FHIT: variants seen among roughly 807,000 people sequenced by gnomAD.
The protein encoded by FHIT is bis(5'-adenosyl)-triphosphatase.
FHIT carries 19 observed loss-of-function variants against 17.9 expected under a neutral mutation model. The observed-to-expected ratio is 1.06, with a 90% CI of 0.74 to 1.56. The LOEUF is 1.56. FHIT is among the 40% of genes most tolerant of loss of function. The pLI is 0.00. For synonymous variants in FHIT, 81 were observed against 69.7 expected (o/e 1.16, Z -0.81); for missense variants, 248 against 189.2 (o/e 1.31, Z -1.82).
chr3:60,191,989 G>C (rs1250393867), intron 5 of FHIT, among the ~76,000 whole-genome samples: 1 of 152,092 alleles, frequency 6.6e-6, no homozygotes, highest in Non-Finnish European at 1.5e-5. Flanking sequence ...GCTCACACCT[G>C]TAATCCCAGC....
chr3:60,284,992 A>C (rs911899734), intron 5 of FHIT, among the ~76,000 whole-genome samples: 4 of 152,130 alleles, frequency 2.6e-5, no homozygotes, highest in African/African-American at 9.7e-5. Flanking sequence ...GTACGAAAGA[A>C]CCACTGAAGT....
chr3:59,753,286 A>G (rs1399376810), intron 8 of FHIT, among the ~76,000 whole-genome samples: 1 of 152,226 alleles, frequency 6.6e-6, no homozygotes, highest in East Asian at 1.9e-4. Flanking sequence ...TTAAATGAGA[A>G]AACAACTTAC....
At chr3:61,228,166 T>TA (rs1203976046) in intron 1 of FHIT, among the ~76,000 whole-genome samples, 1 of 147,486 alleles carries the variant, frequency 6.8e-6, no homozygotes, top group African/African-American at 2.7e-5. Context: ...AAGGCACTTA[T>TA]AAAAAAATAA....
intron 3 of FHIT, among the ~76,000 whole-genome samples, chr3:60,916,686 A>G (rs1389455895): frequency 1.3e-5 from 2 of 152,148 alleles, no homozygotes; most frequent in African/African-American, 4.8e-5. Flanking sequence ...TGCATATTTC[A>G]TGGCTGAATA....
intron 3 of FHIT, among the ~76,000 whole-genome samples, chr3:60,838,485 AAAAC>A (rs200216713): frequency 0.011 from 1,624 of 152,228 alleles, 18 homozygotes; most frequent in Non-Finnish European, 0.016. Flanking sequence ...AACAAAAACA[AAAAC>A]AAACAAACAA....
chr3:60,418,996 G>A, intron 5 of FHIT, among the ~76,000 whole-genome samples: 1 of 152,104 alleles, frequency 6.6e-6, no homozygotes, highest in East Asian at 1.9e-4. Flanking sequence ...TAGCCCGAAT[G>A]GGAAGTACCT....
At chr3:60,852,816 C>T (rs1352667236) in intron 3 of FHIT, among the ~76,000 whole-genome samples, 5 of 151,862 alleles carry the variant, frequency 3.3e-5, no homozygotes, top group African/African-American at 1.2e-4. Context: ...CAAGCCTAAG[C>T]AGCATAGTGA....
At chr3:60,954,210 T>G (rs1305552336) in intron 3 of FHIT, among the ~76,000 whole-genome samples, 2 of 152,206 alleles carry the variant, frequency 1.3e-5, no homozygotes, top group Non-Finnish European at 2.9e-5. Context: ...CATTCTGACC[T>G]ATACATAATT....
chr3:61,198,854 G>A (rs540650230), intron 2 of FHIT, among the ~76,000 whole-genome samples: 1 of 151,848 alleles, frequency 6.6e-6, no homozygotes, highest in Non-Finnish European at 1.5e-5. Context: ...AATGTATAAT[G>A]AATAAATTCA....
At position 60,493,449 on chromosome 3, in the gene FHIT, A is replaced by G. The variant is rs73833931; in HGVS notation, c.103+43411T>C. The stretch of plus-strand genomic sequence containing the variant: ...TTACACTGTGAGGTTAAAGAAATGA[A>G]CCTGTGAAGAGAACCTGTCAAATCA... On this transcript the variant is annotated intron_variant, in intron 5 of 9. Transcript: ENST00000492590. Among the ~76,000 whole-genome samples the G allele has an allele frequency of 5.2e-3, 789 of 152,322 alleles. 12 individuals are homozygous for G. Among genetic ancestry groups the G allele is most frequent in the Middle Eastern group, 0.017 (5 of 294 alleles).
chr3:60,148,750 G>C (rs1700341858), intron 5 of FHIT, among the ~76,000 whole-genome samples: 1 of 151,966 alleles, frequency 6.6e-6, no homozygotes, highest in African/African-American at 2.4e-5. Flanking sequence ...TTAAAGCCTG[G>C]GTTTACATCC....
At position 61,233,390 on chromosome 3, in the gene FHIT, A is replaced by G. The variant is rs148231657; in HGVS notation, c.-213+17911T>C. On this transcript the variant is annotated intron_variant, in intron 1 of 9. Coordinates refer to ENST00000492590, the MANE Select transcript of FHIT (RefSeq NM_002012.4). The stretch of plus-strand genomic sequence containing the variant: ...GTAACATGCAACTGTCAAAAACTAC[A>G]CTGTAAAACATATACCGTAGAATAC... Among the ~76,000 whole-genome samples the G allele has an allele frequency of 4.6e-5, 7 of 152,350 alleles. No homozygotes were observed. The East Asian group carries it at 1.2e-3, about 25-fold the overall frequency.
intron 8 of FHIT, among the ~76,000 whole-genome samples, chr3:59,872,353 G>T (rs865999503): frequency 5.3e-5 from 8 of 152,208 alleles, no homozygotes; most frequent in Admixed American, 1.3e-4. Flanking sequence ...GGAGGGCGAT[G>T]AGGCTGATGT....
At chr3:59,846,141 T>C (rs187251034) in intron 8 of FHIT, among the ~76,000 whole-genome samples, 40 of 152,234 alleles carry the variant, frequency 2.6e-4, no homozygotes, top group African/African-American at 9.4e-4. Context: ...TTGTTTTCTA[T>C]ATGCCTTATA....
chr3:60,703,679 C>G (rs559216686), intron 4 of FHIT, among the ~76,000 whole-genome samples: 16 of 152,240 alleles, frequency 1.1e-4, no homozygotes, highest in African/African-American at 3.4e-4. Context: ...GAGCCCCATT[C>G]TATTTTCTCT....
intron 2 of FHIT, among the ~76,000 whole-genome samples, chr3:61,183,868 A>C (rs1278145319): frequency 2.7e-5 from 4 of 150,750 alleles, no homozygotes; most frequent in Non-Finnish European, 4.4e-5. Context: ...CGGTGGCATT[A>C]ATGGGCAAAG....
At chr3:59,941,169 A>G (rs987749252) in intron 7 of FHIT, among the ~76,000 whole-genome samples, 1 of 152,210 alleles carries the variant, frequency 6.6e-6, no homozygotes, top group African/African-American at 2.4e-5. Flanking sequence ...TCTTCAAAGT[A>G]ATAACAGAAA....
At position 60,687,483 on chromosome 3, in the gene FHIT, A is replaced by G. The variant is rs371746140; in HGVS notation, c.-18+134436T>C. ...CCAAGCTACTGATTTTTGCATTTAA[A>G]CTTTTGCTATTAATGTCTAGCTCTA... On this transcript the variant is annotated intron_variant, in intron 4 of 9. Transcript: ENST00000492590. Among the ~76,000 whole-genome samples, 11 of 152,134 alleles carry G rather than the reference A, an allele frequency of 7.2e-5. No individual in the cohort carries two copies. In the East Asian group the frequency reaches 2.1e-3, roughly 29 times the overall value.
intron 5 of FHIT, among the ~76,000 whole-genome samples, chr3:60,126,471 A>G (rs1325476362): frequency 6.6e-6 from 1 of 152,224 alleles, no homozygotes; most frequent in Non-Finnish European, 1.5e-5. Context: ...AATTCTAACT[A>G]CTACCACTGT....
Sources: gnomAD v4.1 joint callset for allele counts (sites outside exome capture counted in the v4.1 genomes callset) on GRCh38, gnomAD v4.1.1 for gene constraint, MANE v1.5 for transcripts, NCBI Gene and HGNC (gene_info 2026-07-23, HGNC 2026-07-21) for gene names.